Variants in MOB2 observed in about 807,000 individuals in gnomAD.
MOB2 encodes MOB2 Mps One Binder homolog.
MOB2 carries 14 observed loss-of-function variants against 27.4 expected under a neutral mutation model. The observed-to-expected ratio is 0.51, with a 90% confidence interval of 0.34 to 0.80. The LOEUF (loss-of-function observed/expected upper bound fraction) is 0.80. Ranked by LOEUF, MOB2 falls within the 30% of genes least tolerant of loss-of-function variation. The pLI, the probability that MOB2 is intolerant of heterozygous loss-of-function variation, is 0.01. For missense variants in MOB2, 304 were observed against 354.6 expected (o/e 0.86, Z 1.15); for synonymous variants, 167 against 151.8 (o/e 1.10, Z -0.74).
intron 1 of MOB2, among the ~76,000 whole-genome samples, chr11:1,483,809 G>C (rs1454824322): frequency 2.0e-4 from 31 of 152,258 alleles, no homozygotes; most frequent in Admixed American, 2.0e-3. Flanking sequence ...ACTGGGAAGT[G>C]AGGCAATCCC....
At chr11:1,484,801 C>T (rs918334173) in intron 1 of MOB2, among the ~76,000 whole-genome samples, 2 of 152,196 alleles carry the variant, frequency 1.3e-5, no homozygotes, top group African/African-American at 2.4e-5. Flanking sequence ...GGAAGGCCTC[C>T]GGAGCCCCTG....
chr11:1,485,527 G>C (rs1442165030), intron 1 of MOB2, among the ~76,000 whole-genome samples: 1 of 152,252 alleles, frequency 6.6e-6, no homozygotes, highest in Non-Finnish European at 1.5e-5. Context: ...CCTATGAAGA[G>C]AAAGATGGAG....
At chr11:1,479,263 G>A (rs926746831) in intron 3 of MOB2, among the ~76,000 whole-genome samples, 1 of 152,174 alleles carries the variant, frequency 6.6e-6, no homozygotes, top group Non-Finnish European at 1.5e-5. Context: ...AGCCACAGTG[G>A]ACACAAGGCT....
In MOB2 at chr11:1,470,169, G is replaced by A. The variant is rs760840222; in HGVS notation, c.*3C>T. 2.5e-6 allele frequency: 4 copies of A among 1,593,378 alleles called. No individual in the cohort carries two copies. Among genetic ancestry groups the A allele is most frequent in the East Asian group, 2.3e-5 (1 of 43,748 alleles). ...ACGTGTGCCCCTGTCCGGCCCGGGG[G>A]GCTCATCTCTCCTTCACGTGGTTCT... On this transcript the variant is annotated 3_prime_UTR_variant, in exon 5 of 5. Coordinates refer to ENST00000329957, the MANE Select transcript of MOB2 (RefSeq NM_001172223.3).
Position 1,470,287 on chromosome 11 carries a change from A to G in MOB2, c.692T>C (p.Met231Thr). 6.2e-7 allele frequency: 1 copy of G among 1,613,214 alleles called. No individual in the cohort carries two copies. Among genetic ancestry groups the G allele is most frequent in the Non-Finnish European group, 8.5e-7 (1 of 1,179,886 alleles). The change falls in exon 5 of 5, where the codon ATG (methionine) becomes ACG (threonine). Residue 231 changes from methionine to threonine, a missense_variant. Met to Thr is a moderately conservative substitution (Grantham distance 81). Transcript: ENST00000329957. The part of the protein sequence containing the change: ...NLLDPKETAI[M>T]DDLTEVLCSG... ...GCATAGCACCTCGGTGAGGTCGTCC[A>G]TGATGGCGGTCTCTTTGGGGTCCAG...
intron 2 of MOB2, 65 bp from the exon 3 acceptor site, chr11:1,480,551 G>A (rs1161169836): frequency 2.5e-6 from 4 of 1,570,496 alleles, no homozygotes; most frequent in Non-Finnish European, 3.5e-6. Flanking sequence ...GTCCACCCCT[G>A]CTTCCAGCAA....
At chr11:1,482,343 A>G (rs2133367285) in intron 1 of MOB2, among the ~76,000 whole-genome samples, 1 of 152,334 alleles carries the variant, frequency 6.6e-6, no homozygotes, top group African/African-American at 2.4e-5. Flanking sequence ...CCCAGGGCCC[A>G]CTCAGGGAGG....
rs1195526976 is a variant in MOB2, at chr11:1,470,352, G to A, written c.627C>T (p.Leu209=). 1 of 1,613,664 alleles carries A rather than the reference G, an allele frequency of 6.2e-7. No individual in the cohort carries two copies. Among genetic ancestry groups the A allele is most frequent in the East Asian group, 2.2e-5 (1 of 44,884 alleles). The part of the protein sequence containing the change: ...ALELHGHLNT[L]YVHFILFARE... Reference sequence around the variant, plus strand: ...GAGCAAAGAGGATGAAGTGGACGTAGAGCGTGTTCAAGTGTCCGTGCAGCT... The same window carrying A: ...GAGCAAAGAGGATGAAGTGGACGTAAAGCGTGTTCAAGTGTCCGTGCAGCT... Residue 209 remains leucine (L), a synonymous_variant, in exon 5 of 5, where the codon CTC becomes CTT. Transcript: ENST00000329957.
chr11:1,481,104 G>A, intron 1 of MOB2: 2 of 680,216 alleles, frequency 2.9e-6, no homozygotes, highest in Non-Finnish European at 5.2e-6. Context: ...CACCTCCTGG[G>A]AAGAAGGGCT....
In MOB2 at chr11:1,469,813, CA is replaced by C; in HGVS notation, c.*358del. The C allele has an allele frequency of 3.8e-6, 2 of 529,936 alleles. No homozygotes were observed. The highest frequency in any genetic ancestry group is 3.1e-5 in the South Asian group (2 of 65,238). 32.8% of individuals were successfully genotyped at this position (529,936 alleles called of 1,614,324 possible). ...AGGTCTGCAAATCACACCCTCCCCC[CA>C]CGAGTTCCTCCTTTGAGGCCAGCAG... On this transcript the variant is annotated 3_prime_UTR_variant, in exon 5 of 5. Coordinates refer to ENST00000329957, the MANE Select transcript of MOB2 (RefSeq NM_001172223.3).
Position 1,470,460 on chromosome 11 carries a change from G to C in MOB2, c.519C>G (p.Ser173=). ...YGREFPSSFE[S]LVRKICRHLF... is the part of the protein sequence containing the mutation. ...GGTGTCTGCAGATCTTCCTCACCAG[G>C]GACTCAAAGGAGCTGGGGAATTCTC... Residue 173 remains serine (S), a synonymous_variant, in exon 5 of 5, where the codon TCC becomes TCG. Transcript: ENST00000329957. The C allele has an allele frequency of 1.2e-6, 2 of 1,613,024 alleles. No individual in the cohort carries two copies. Among genetic ancestry groups the C allele is most frequent in the Non-Finnish European group, 1.7e-6 (2 of 1,179,448 alleles).
intron 3 of MOB2, among the ~76,000 whole-genome samples, chr11:1,479,687 G>A (rs992276911): frequency 6.6e-6 from 1 of 152,224 alleles, no homozygotes; most frequent in Non-Finnish European, 1.5e-5. Context: ...CTTTCAGGAC[G>A]CACTCACAGG....
rs759388418 is a variant in MOB2, at chr11:1,470,220, C to T, written c.759G>A (p.Gly253=). 1 of 1,612,284 alleles carries T rather than the reference C, an allele frequency of 6.2e-7. No homozygotes were observed. Among genetic ancestry groups the T allele is most frequent in the Non-Finnish European group, 8.5e-7 (1 of 1,179,752 alleles). Residue 253 remains glycine (G), a synonymous_variant, in exon 5 of 5, where the codon GGG becomes GGA. Transcript: ENST00000329957. ...GGVHSGGSGD[G]AGSGGPGAQN... is the part of the protein sequence containing the mutation. ...GTGCTCCCGGGCCCCCGCTGCCGGC[C>T]CCATCCCCACTGCCCCCACTGTGGA...
intron 1 of MOB2, 24 bp downstream of exon 1, chr11:1,486,423 C>A: frequency 6.6e-7 from 1 of 1,507,436 alleles, no homozygotes; most frequent in South Asian, 1.2e-5. Flanking sequence ...ACACCCCTCC[C>A]CCAGCCAGGC....
rs1232299416 is a variant in MOB2 at position 1,469,950 on chromosome 11, A to G, written c.*222T>C. The G allele has an allele frequency of 9.0e-7, 1 of 1,116,078 alleles. No individual in the cohort carries two copies. Among genetic ancestry groups the G allele is most frequent in the Non-Finnish European group, 1.3e-6 (1 of 764,628 alleles). 69.1% of individuals were successfully genotyped at this position (1,116,078 alleles called of 1,614,324 possible). A position where few individuals can be genotyped will look rare whatever the true frequency, so the allele number is the denominator to read the frequency against. The stretch of plus-strand genomic sequence containing the variant: ...TCTGCTGAACGAGTGAATGGGCCCA[A>G]AGGCTCTTCTCTACAAACGGCACGC... On this transcript the variant is annotated 3_prime_UTR_variant, in exon 5 of 5. Coordinates refer to ENST00000329957, the MANE Select transcript of MOB2 (RefSeq NM_001172223.3).
chr11:1,482,756 C>G (rs1564911609), intron 1 of MOB2, among the ~76,000 whole-genome samples: 1 of 152,256 alleles, frequency 6.6e-6, no homozygotes, highest in Non-Finnish European at 1.5e-5. Flanking sequence ...GGTGGACGGG[C>G]ACTGGCCCAA....
intron 1 of MOB2, among the ~76,000 whole-genome samples, chr11:1,485,719 CCACACACGGGTGCACACTCCCA>C (rs1398035556): frequency 5.9e-5 from 9 of 151,982 alleles, no homozygotes; most frequent in Admixed American, 2.0e-4. Flanking sequence ...CCCCTCATGC[CCACACACGGGTGCACACTCCCA>C]CACACACGGG....
chr11:1,480,696 A>G (rs1403685803), intron 2 of MOB2, 29 bp downstream of exon 2: 1 of 1,591,814 alleles, frequency 6.3e-7, no homozygotes, highest in Admixed American at 1.7e-5. Flanking sequence ...GGGAGGAGGG[A>G]GGGGGCCCGC....
rs1016430740 is a variant in MOB2, at chr11:1,469,590, G to A, written c.*582C>T. On this transcript the variant is annotated 3_prime_UTR_variant, in exon 5 of 5. Coordinates refer to ENST00000329957, the MANE Select transcript of MOB2 (RefSeq NM_001172223.3). ...GCCTTGCCTGAGGACTGCACCATGG[G>A]TGTTCCTTGGGCATGGAGGAGGCAG... 4.2e-5 allele frequency: 19 copies of A among 456,762 alleles called. No homozygotes were observed. The Admixed American group carries it at 4.5e-4, about 11-fold the overall frequency. The allele number at this position is 456,762 out of a possible 1,614,324, so 28.3% of individuals were successfully genotyped here.
Sources: allele counts gnomAD v4.1 joint callset (sites outside exome capture counted in the v4.1 genomes callset), GRCh38; gene constraint gnomAD v4.1.1; transcripts MANE v1.5; gene names NCBI Gene and HGNC (gene_info 2026-07-23, HGNC 2026-07-21).